Variants in GAS7 observed in about 807,000 individuals in gnomAD.
GAS7 encodes growth arrest-specific protein 7.
Under a neutral mutation model 71.1 loss-of-function variants are expected in GAS7, and 28 were observed. The ratio of observed to expected loss-of-function variants is 0.39; its 90% CI spans 0.29 to 0.54. The LOEUF (loss-of-function observed/expected upper bound fraction) is 0.54. GAS7 is among the 20% of genes least tolerant of loss of function. The pLI is 0.62. For synonymous variants in GAS7, 258 were observed against 245.8 expected, an observed-to-expected ratio of 1.05 and a Z score of -0.46; for missense variants, 436 against 627.8, an observed-to-expected ratio of 0.69 and a Z score of 3.27.
chr17:10,083,137 T>C (rs1366574194), intron 1 of GAS7, among the ~76,000 whole-genome samples: 2 of 152,220 alleles, frequency 1.3e-5, no homozygotes, highest in Non-Finnish European at 2.9e-5. Flanking sequence ...CATGAGAAAT[T>C]ATAGCTCAGT....
Position 10,116,274 on chromosome 17 carries a change from A to G in GAS7, c.183+81934T>C, listed in dbSNP as rs986712975. Among the ~76,000 whole-genome samples the G allele has an allele frequency of 8.2e-4, 124 of 151,736 alleles. 1 individual carries two copies. The highest frequency in any genetic ancestry group is 7.2e-4 in the Admixed American group (11 of 15,190). ...GGTTGCAGTGAGCTGAGATTGTACC[A>G]CTGCACTCCAGCCTAGGGGACAGAG... is the stretch of plus-strand genomic sequence containing the variant. On this transcript the variant is annotated intron_variant, in intron 1 of 13. Transcript: ENST00000432992.
chr17:10,093,222 C>T (rs2073603070), intron 1 of GAS7, among the ~76,000 whole-genome samples: 1 of 152,172 alleles, frequency 6.6e-6, no homozygotes, highest in Non-Finnish European at 1.5e-5. Flanking sequence ...TATAAGGAAG[C>T]TGTTGCTTCT....
intron 1 of GAS7, among the ~76,000 whole-genome samples, chr17:10,080,210 C>T (rs569763759): frequency 2.8e-4 from 42 of 152,264 alleles, no homozygotes; most frequent in Non-Finnish European, 3.7e-4. Context: ...GCTCATTATA[C>T]GCTAATTATA....
At chr17:10,128,807 C>G (rs9893257) in intron 1 of GAS7, among the ~76,000 whole-genome samples, 145,464 of 152,030 alleles carry the variant, frequency 0.96, 69,624 homozygotes, top group South Asian at 0.98. Flanking sequence ...TTGTAGTAGA[C>G]ATGGGTTTTC....
intron 1 of GAS7, among the ~76,000 whole-genome samples, chr17:10,157,851 G>A (rs1444409553): frequency 6.6e-6 from 1 of 152,106 alleles, no homozygotes; most frequent in East Asian, 1.9e-4. Context: ...AAGCATATAG[G>A]TACTCGTAGG....
chr17:10,162,276 C>T (rs1160080151), intron 1 of GAS7, among the ~76,000 whole-genome samples: 1 of 152,136 alleles, frequency 6.6e-6, no homozygotes, highest in Admixed American at 6.5e-5. Flanking sequence ...ACAGTCTGTG[C>T]TGAGAAGCTG....
At chr17:9,993,138 T>A (rs2061914567) in intron 2 of GAS7, among the ~76,000 whole-genome samples, 1 of 151,610 alleles carries the variant, frequency 6.6e-6, no homozygotes, top group African/African-American at 2.4e-5. Context: ...GATGGCTGGG[T>A]CAAATGGTAT....
At chr17:10,036,876 T>G (rs765411952) in intron 1 of GAS7, 7 of 270,712 alleles carry the variant, frequency 2.6e-5, no homozygotes, top group South Asian at 2.3e-4. Flanking sequence ...CCCAGGCCTG[T>G]GGACAAGGGC....
In GAS7 at chr17:9,969,835, GCCCCTTTTCCCAC is replaced by G; in HGVS notation, c.386-86_386-74del. ...GCACCCCCGCCTTTCGTCCACTGCA[GCCCCTTTTCCCAC>G]CTCCTTCCTTGGCTCTGAGAGGTCT... On this transcript the variant is annotated intron_variant, in intron 3 of 13. Transcript: ENST00000432992. This position sits in a 1 kb window ranked among gnomAD's most constrained non-coding sequence, Gnocchi z 5.5. 1.0e-6 allele frequency: 1 copy of G among 957,900 alleles called. No homozygotes were observed. 59.3% of individuals were successfully genotyped at this position (957,900 alleles called of 1,614,324 possible).
Position 10,008,668 on chromosome 17 carries a change from G to A in GAS7, c.304+11109C>T, listed in dbSNP as rs184198698. Reference sequence around the variant, plus strand: ...GAGAAAACAAAACCCACACCAAAGCGGATTAATAGGAAGCTTTAAGCTCTA... The same window carrying A: ...GAGAAAACAAAACCCACACCAAAGCAGATTAATAGGAAGCTTTAAGCTCTA... On this transcript the variant is annotated intron_variant, in intron 2 of 13. Coordinates refer to ENST00000432992, the MANE Select transcript of GAS7 (RefSeq NM_201433.2). 1.3e-4 allele frequency among the ~76,000 whole-genome samples: 20 copies of A among 152,146 alleles called. No individual in the cohort carries two copies. The East Asian group carries it at 3.9e-3, about 29-fold the overall frequency.
chr17:10,152,711 A>G (rs2074175752), intron 1 of GAS7, among the ~76,000 whole-genome samples: 1 of 152,136 alleles, frequency 6.6e-6, no homozygotes, highest in Non-Finnish European at 1.5e-5. Context: ...AAATGCTCCA[A>G]TCTGTCAATT....
At chr17:10,065,222 A>G (rs184955182) in intron 1 of GAS7, among the ~76,000 whole-genome samples, 1 of 152,256 alleles carries the variant, frequency 6.6e-6, no homozygotes, top group African/African-American at 2.4e-5. Flanking sequence ...AGCAGGGAGA[A>G]TTTAGAGATT....
chr17:10,027,741 C>T (rs2072503874), intron 1 of GAS7, among the ~76,000 whole-genome samples: 1 of 152,196 alleles, frequency 6.6e-6, no homozygotes, highest in Admixed American at 6.5e-5. Flanking sequence ...GTGAGGAAGT[C>T]CTGTTCTTGA....
Position 9,959,306 on chromosome 17 carries a change from T to C in GAS7, c.472-51A>G, listed in dbSNP as rs1250167977. The stretch of plus-strand genomic sequence containing the variant: ...TCAAAGCTGTTCTCCATATTGGACA[T>C]TTTTTCCCCCCATTCAGGTTCCCTG... On this transcript the variant is annotated intron_variant, in intron 4 of 13. Coordinates refer to ENST00000432992, the MANE Select transcript of GAS7 (RefSeq NM_201433.2). This position sits in a 1 kb window ranked among gnomAD's most constrained non-coding sequence, Gnocchi z 5.0. 1 of 1,611,364 alleles carries C rather than the reference T, an allele frequency of 6.2e-7. No individual in the cohort carries two copies. Among genetic ancestry groups the C allele is most frequent in the Non-Finnish European group, 8.5e-7 (1 of 1,178,306 alleles).
At position 9,915,956 on chromosome 17, in the gene GAS7, T is replaced by C. The variant is rs992980780; in HGVS notation, c.*1272A>G. On this transcript the variant is annotated 3_prime_UTR_variant, in exon 14 of 14. Coordinates refer to ENST00000432992, the MANE Select transcript of GAS7 (RefSeq NM_201433.2). ...CACTCAGACCAGACTTTTCCAGGGA[T>C]TGGAAGATGGAGAGAGGGAAAGGAG... 1 of 232,692 alleles carries C rather than the reference T, an allele frequency of 4.3e-6. No homozygotes were observed. Among genetic ancestry groups the C allele is most frequent in the Non-Finnish European group, 8.5e-6 (1 of 117,770 alleles). 14.4% of individuals were successfully genotyped at this position (232,692 alleles called of 1,614,324 possible). A position where few individuals can be genotyped will look rare whatever the true frequency, so the allele number is the denominator to read the frequency against.
At chr17:10,093,821 T>C (rs533833507) in intron 1 of GAS7, among the ~76,000 whole-genome samples, 7 of 152,328 alleles carry the variant, frequency 4.6e-5, no homozygotes, top group African/African-American at 1.2e-4. Flanking sequence ...TCATCTACTA[T>C]GTATTTCATC....
At chr17:10,166,776 G>A (rs59599945) in intron 1 of GAS7, among the ~76,000 whole-genome samples, 2,827 of 152,238 alleles carry the variant, frequency 0.019, 88 homozygotes, top group African/African-American at 0.065. Flanking sequence ...AAGCACTCTT[G>A]TGTTTGCAAA....
intron 1 of GAS7, among the ~76,000 whole-genome samples, chr17:10,133,424 GATTTT>G (rs2074014696): frequency 6.6e-6 from 1 of 151,906 alleles, no homozygotes; most frequent in Non-Finnish European, 1.5e-5. Context: ...CGCCTCGCCA[GATTTT>G]ATTTTAATTA....
At chr17:10,009,263 G>A (rs1044257729) in intron 2 of GAS7, among the ~76,000 whole-genome samples, 1 of 144,060 alleles carries the variant, frequency 6.9e-6, no homozygotes, top group Non-Finnish European at 1.5e-5. Context: ...GGAGCTTGCA[G>A]TGAGCCGAGA....
Sources: gnomAD v4.1 joint callset for allele counts (sites outside exome capture counted in the v4.1 genomes callset) on GRCh38, gnomAD v4.1.1 for gene constraint, Gnocchi (gnomAD v3.1) non-coding constraint, MANE v1.5 for transcripts, NCBI Gene and HGNC (gene_info 2026-07-23, HGNC 2026-07-21) for gene names.